Variants in DPP10 observed in about 807,000 individuals in gnomAD.
DPP10 encodes the protein dipeptidyl peptidase like 10, also known as inactive dipeptidyl peptidase 10.
Under a neutral mutation model 120.9 loss-of-function variants are expected in DPP10, and 33 were observed. That is an observed-to-expected ratio of 0.27 (90% CI 0.21 to 0.37). The LOEUF (loss-of-function observed/expected upper bound fraction) is 0.37. DPP10 is among the 10% of genes least tolerant of loss of function. The pLI, the probability that DPP10 is intolerant of heterozygous loss-of-function variation, is 1.00. For missense variants in DPP10, 816 were observed against 942.8 expected, an observed-to-expected ratio of 0.87 and a Z score of 1.76; for synonymous variants, 337 against 326.1, an observed-to-expected ratio of 1.03 and a Z score of -0.36.
At chr2:115,784,242 G>C (rs898218649) in intron 17 of DPP10, among the ~76,000 whole-genome samples, 2 of 152,072 alleles carry the variant, frequency 1.3e-5, no homozygotes, top group African/African-American at 4.8e-5. Context: ...TCAATGGCAA[G>C]TAAATCTTTG....
intron 1 of DPP10, among the ~76,000 whole-genome samples, chr2:114,503,494 T>C (rs1683377936): frequency 6.6e-6 from 1 of 152,192 alleles, no homozygotes; most frequent in Non-Finnish European, 1.5e-5. Flanking sequence ...AGATGCATTT[T>C]TTGGGTTTTA....
chr2:115,336,260 G>A (rs2063123010), intron 2 of DPP10, among the ~76,000 whole-genome samples: 1 of 151,846 alleles, frequency 6.6e-6, no homozygotes, highest in South Asian at 2.1e-4. Flanking sequence ...TGATCTTAAA[G>A]GACCAAATAG....
At chr2:114,513,028 A>G (rs886425214) in intron 1 of DPP10, among the ~76,000 whole-genome samples, 1 of 152,048 alleles carries the variant, frequency 6.6e-6, no homozygotes, top group African/African-American at 2.4e-5. Flanking sequence ...AGGAAGGGGG[A>G]GGGAAGGGAG....
At chr2:115,834,023 C>A (rs1689194875) in intron 21 of DPP10, among the ~76,000 whole-genome samples, 1 of 152,120 alleles carries the variant, frequency 6.6e-6, no homozygotes, top group African/African-American at 2.4e-5. Flanking sequence ...GACTGTCTCT[C>A]TCAATGAGAA....
At chr2:115,761,329 A>G (rs1259733144) in intron 11 of DPP10, among the ~76,000 whole-genome samples, 3 of 152,152 alleles carry the variant, frequency 2.0e-5, no homozygotes, top group Non-Finnish European at 4.4e-5. Context: ...GATACTGTAA[A>G]TATTTCATTG....
At chr2:114,530,957 A>G (rs1685924603) in intron 1 of DPP10, among the ~76,000 whole-genome samples, 1 of 152,104 alleles carries the variant, frequency 6.6e-6, no homozygotes. Context: ...ACTCATGTCA[A>G]TTAACAGAAA....
intron 4 of DPP10, among the ~76,000 whole-genome samples, chr2:115,507,993 G>T (rs1478817196): frequency 6.6e-6 from 1 of 152,068 alleles, no homozygotes; most frequent in Non-Finnish European, 1.5e-5. Context: ...AGAGGAATCA[G>T]CATCATCTCT....
At chr2:114,751,637 ATGAGC>A (rs745964763) in intron 1 of DPP10, among the ~76,000 whole-genome samples, 2 of 152,228 alleles carry the variant, frequency 1.3e-5, no homozygotes, top group Non-Finnish European at 2.9e-5. Context: ...GCGTTCACCA[ATGAGC>A]TAGCAGAAGG....
intron 1 of DPP10, among the ~76,000 whole-genome samples, chr2:114,982,892 C>T (rs1700175755): frequency 6.6e-6 from 1 of 151,948 alleles, no homozygotes; most frequent in Admixed American, 6.6e-5. Flanking sequence ...CAGGTGTGAG[C>T]CACTGCGCCC....
At chr2:115,672,901 C>T (rs150416313) in intron 5 of DPP10, among the ~76,000 whole-genome samples, 1,591 of 151,752 alleles carry the variant, frequency 0.01, 19 homozygotes, top group African/African-American at 0.035. Flanking sequence ...CAAGTGCCAC[C>T]ACACCTGGCT....
chr2:114,958,080 T>G (rs1015181725), intron 1 of DPP10, among the ~76,000 whole-genome samples: 1 of 151,954 alleles, frequency 6.6e-6, no homozygotes, highest in Non-Finnish European at 1.5e-5. Context: ...CACAGCAGAT[T>G]CAGAGAGACT....
At chr2:115,648,716 C>G (rs1418124020) in intron 5 of DPP10, among the ~76,000 whole-genome samples, 1 of 151,614 alleles carries the variant, frequency 6.6e-6, no homozygotes. Context: ...ATAGATTATC[C>G]CAAGGGAGGA....
chr2:115,486,903 A>G (rs1174617555), intron 3 of DPP10, among the ~76,000 whole-genome samples: 1 of 152,144 alleles, frequency 6.6e-6, no homozygotes, highest in Non-Finnish European at 1.5e-5. Flanking sequence ...AAGGCTCTTT[A>G]TCACAGGAAG....
At chr2:115,465,522 C>T (rs547843472) in intron 3 of DPP10, among the ~76,000 whole-genome samples, 8 of 152,052 alleles carry the variant, frequency 5.3e-5, no homozygotes, top group Admixed American at 1.3e-4. Context: ...AGTCTAAATG[C>T]GTTAAAATGG....
rs907171453 is a variant in DPP10 at position 114,981,566 on chromosome 2, A to G, written c.61-327673A>G. ...AATTCGGACTGAGTGGCTAAGTGAG[A>G]CCCCTTTCTCTTTCTCTTTCTCTCT... On this transcript the variant is annotated intron_variant, in intron 1 of 25. Transcript: ENST00000410059. Among the ~76,000 whole-genome samples, 8 of 151,966 alleles carry G rather than the reference A, an allele frequency of 5.3e-5. No homozygotes were observed. The East Asian group carries it at 1.2e-3, about 22-fold the overall frequency.
intron 3 of DPP10, among the ~76,000 whole-genome samples, chr2:115,378,045 T>C (rs1243503027): frequency 6.6e-6 from 1 of 152,040 alleles, no homozygotes; most frequent in East Asian, 1.9e-4. Context: ...GGCTGTTTTT[T>C]GGTTCCATAT....
At chr2:115,832,033 T>C (rs543354136) in intron 21 of DPP10, among the ~76,000 whole-genome samples, 4 of 152,348 alleles carry the variant, frequency 2.6e-5, no homozygotes, top group East Asian at 3.9e-4. Context: ...CCTGATGATA[T>C]GCATTGTTTT....
chr2:115,714,635 C>T (rs891378953), intron 7 of DPP10, among the ~76,000 whole-genome samples: 1 of 152,156 alleles, frequency 6.6e-6, no homozygotes, highest in Non-Finnish European at 1.5e-5. Flanking sequence ...GCCTTTCTTT[C>T]CTTTGGGTTC....
At chr2:115,766,044 G>C (rs1680668219) in intron 12 of DPP10, among the ~76,000 whole-genome samples, 2 of 151,902 alleles carry the variant, frequency 1.3e-5, no homozygotes, top group South Asian at 4.2e-4. Flanking sequence ...TAATTATTGA[G>C]CTCAATTTAC....
Sources: gnomAD v4.1 joint callset for allele counts (sites outside exome capture counted in the v4.1 genomes callset) on GRCh38, gnomAD v4.1.1 for gene constraint, MANE v1.5 for transcripts, NCBI Gene and HGNC (gene_info 2026-07-23, HGNC 2026-07-21) for gene names.